LTBP1: variants seen among roughly 807,000 people sequenced by gnomAD.
LTBP1 encodes latent-transforming growth factor beta-binding protein 1.
Under a neutral mutation model 207.6 loss-of-function variants are expected in LTBP1, and 129 were observed. That is an observed-to-expected ratio of 0.62 (90% CI 0.54 to 0.72). The LOEUF is 0.72. Ranked by LOEUF, LTBP1 falls within the 30% of genes least tolerant of loss-of-function variation. LTBP1 has a pLI of 0.00. For synonymous variants in LTBP1, 963 were observed against 833.7 expected, an observed-to-expected ratio of 1.16 and a Z score of -2.67; for missense variants, 2,281 against 2,217.2, an observed-to-expected ratio of 1.03 and a Z score of -0.58.
intron 15 of LTBP1, among the ~76,000 whole-genome samples, chr2:33,270,590 A>C (rs112532749): frequency 7.5e-4 from 24 of 31,824 alleles, no homozygotes; most frequent in African/African-American, 2.3e-3. Flanking sequence ...ACTCCGTCTC[A>C]AAAAAAAAAA....
At chr2:33,196,528 A>G (rs764617629) in intron 7 of LTBP1, among the ~76,000 whole-genome samples, 128 of 152,290 alleles carry the variant, frequency 8.4e-4, no homozygotes, top group Non-Finnish European at 1.5e-3. Context: ...TAAGAAGTCA[A>G]GTTGAAAAAA....
chr2:33,287,985 TC>T (rs1423236434), intron 19 of LTBP1, among the ~76,000 whole-genome samples: 1 of 152,082 alleles, frequency 6.6e-6, no homozygotes, highest in Non-Finnish European at 1.5e-5. Context: ...AGTTGAGGAG[TC>T]GCTGGAGTAA....
intron 4 of LTBP1, among the ~76,000 whole-genome samples, chr2:33,116,820 C>G (rs1170060492): frequency 6.6e-6 from 1 of 151,778 alleles, no homozygotes; most frequent in East Asian, 1.9e-4. Flanking sequence ...TGAGGTCAAG[C>G]CCACTTTTTA....
Position 33,262,788 on chromosome 2 carries a change from A to C in LTBP1, c.2485A>C (p.Ile829Leu). The change falls in exon 14 of 34, where the codon ATT becomes CTT. Residue 829 changes from isoleucine (I) to leucine (L), a missense_variant. Physicochemically the swap from Ile to Leu is conservative, Grantham distance 5. Around this residue, in one of 3 missense-constraint regions of LTBP1, gnomAD observed 1,671 missense variants for 1,634.8 expected, o/e 1.02. Coordinates refer to ENST00000404816, the MANE Select transcript of LTBP1 (RefSeq NM_206943.4). ...EPGQPQLSPG[I>L]STIHLHPQFP... The stretch of plus-strand genomic sequence containing the variant: ...TGGTCAACCCCAGCTGTCTCCAGGC[A>C]TTTCCACTATTCATCTGCATCCACA... 6.2e-7 allele frequency: 1 copy of C among 1,606,988 alleles called. No individual in the cohort carries two copies. Among genetic ancestry groups the C allele is most frequent in the Non-Finnish European group, 8.5e-7 (1 of 1,175,650 alleles).
chr2:33,236,423 A>C (rs1182517928), intron 9 of LTBP1, among the ~76,000 whole-genome samples: 1 of 152,206 alleles, frequency 6.6e-6, no homozygotes, highest in Admixed American at 6.5e-5. Flanking sequence ...TATTTTCAGT[A>C]AGAATTTAAA....
intron 24 of LTBP1, among the ~76,000 whole-genome samples, chr2:33,339,274 C>A (rs1382583065): frequency 2.0e-5 from 3 of 151,956 alleles, no homozygotes; most frequent in Non-Finnish European, 4.4e-5. Flanking sequence ...ATGAATATAT[C>A]CAATAGGTAT....
intron 22 of LTBP1, 87 bp downstream of exon 22, chr2:33,301,731 C>T: frequency 1.6e-6 from 2 of 1,226,940 alleles, no homozygotes; most frequent in South Asian, 1.9e-5. Flanking sequence ...CTTTGAACCT[C>T]ATCTCTTGAT....
chr2:33,343,968 G>T (rs983882287), intron 25 of LTBP1, among the ~76,000 whole-genome samples: 1 of 152,168 alleles, frequency 6.6e-6, no homozygotes, highest in African/African-American at 2.4e-5. Flanking sequence ...GAGAAAAATA[G>T]CCATGTTCAC....
intron 3 of LTBP1, among the ~76,000 whole-genome samples, chr2:33,055,960 G>C (rs1215590601): frequency 1.3e-5 from 2 of 152,120 alleles, no homozygotes; most frequent in African/African-American, 2.4e-5. Flanking sequence ...AGGATATGGG[G>C]GTAAGCTGAG....
chr2:33,064,005 C>T (rs2077386673), intron 3 of LTBP1, among the ~76,000 whole-genome samples: 1 of 152,082 alleles, frequency 6.6e-6, no homozygotes, highest in Non-Finnish European at 1.5e-5. Context: ...AGGCACCCGC[C>T]ACCATGCCTG....
chr2:33,338,317 C>A (rs1454133879), intron 24 of LTBP1, among the ~76,000 whole-genome samples: 2 of 152,122 alleles, frequency 1.3e-5, no homozygotes, highest in Admixed American at 1.3e-4. Context: ...ACCTTCAGGT[C>A]AATTATTTGG....
At chr2:33,128,116 A>G (rs1424975901) in intron 4 of LTBP1, among the ~76,000 whole-genome samples, 2 of 152,188 alleles carry the variant, frequency 1.3e-5, no homozygotes, top group Admixed American at 1.3e-4. Flanking sequence ...AAGCCATCAA[A>G]TGTGTTCCTT....
At chr2:32,948,197 C>T (rs1676560646) in intron 1 of LTBP1, among the ~76,000 whole-genome samples, 1 of 152,164 alleles carries the variant, frequency 6.6e-6, no homozygotes, top group Non-Finnish European at 1.5e-5. Flanking sequence ...TAATTTTGGT[C>T]TAGCTAATGA....
chr2:33,204,114 A>G (rs1242031615), intron 7 of LTBP1, among the ~76,000 whole-genome samples: 1 of 152,194 alleles, frequency 6.6e-6, no homozygotes, highest in African/African-American at 2.4e-5. Context: ...GAGAGAAGCA[A>G]CATTTTTTGC....
At position 32,948,961 on chromosome 2, in the gene LTBP1, C is replaced by G; in HGVS notation, c.565+16C>G. On this transcript the variant is annotated intron_variant, in intron 2 of 33. Coordinates refer to ENST00000404816, the MANE Select transcript of LTBP1 (RefSeq NM_206943.4). ...TGCACCAAACGTAAGTTGCCATGTT[C>G]ACAGTGGCCCTGCACAGTAGGCAAA... The G allele has an allele frequency of 6.2e-7, 1 of 1,613,830 alleles. No individual in the cohort carries two copies. Among genetic ancestry groups the G allele is most frequent in the Non-Finnish European group, 8.5e-7 (1 of 1,179,742 alleles).
At chr2:33,034,856 A>C (rs1347232515) in intron 3 of LTBP1, among the ~76,000 whole-genome samples, 1 of 147,936 alleles carries the variant, frequency 6.8e-6, no homozygotes. Flanking sequence ...GGGTTTAAAT[A>C]AAAAAAAAAG....
At chr2:33,320,449 G>C (rs1428099230) in intron 24 of LTBP1, among the ~76,000 whole-genome samples, 1 of 151,878 alleles carries the variant, frequency 6.6e-6, no homozygotes, top group Non-Finnish European at 1.5e-5. Context: ...CTGAAGGGTA[G>C]AGAAAGAAGT....
intron 4 of LTBP1, among the ~76,000 whole-genome samples, chr2:33,121,987 T>A (rs897264063): frequency 6.6e-6 from 1 of 152,104 alleles, no homozygotes; most frequent in Non-Finnish European, 1.5e-5. Flanking sequence ...TGGTAAATCG[T>A]ATAATATATG....
At chr2:33,278,939 T>A (rs2093501872) in intron 18 of LTBP1, among the ~76,000 whole-genome samples, 1 of 152,234 alleles carries the variant, frequency 6.6e-6, no homozygotes, top group South Asian at 2.1e-4. Flanking sequence ...TCACTTTAAG[T>A]ATCTTTTCAC....
Sources: gnomAD v4.1 joint callset for allele counts (sites outside exome capture counted in the v4.1 genomes callset) on GRCh38, gnomAD v4.1.1 for gene constraint, gnomAD v4.1.1 regional missense constraint, MANE v1.5 for transcripts, NCBI Gene and HGNC (gene_info 2026-07-23, HGNC 2026-07-21) for gene names.